The following ITGAX variants were observed in gnomAD, a reference collection of about 807,000 sequenced individuals.
ITGAX encodes the protein integrin alpha-X.
Under a neutral mutation model 140.2 loss-of-function variants are expected in ITGAX, and 99 were observed. That is an observed-to-expected ratio of 0.71 (90% CI 0.60 to 0.83). The LOEUF (loss-of-function observed/expected upper bound fraction) is 0.83. Ranked by LOEUF, ITGAX falls within the 40% of genes least tolerant of loss-of-function variation. The pLI is 0.00. For missense variants in ITGAX, 1,444 were observed against 1,482.0 expected, an observed-to-expected ratio of 0.97 and a Z score of 0.42; for synonymous variants, 631 against 600.4, an observed-to-expected ratio of 1.05 and a Z score of -0.75.
rs761201188 is a variant in ITGAX at position 31,372,415 on chromosome 16, G to T, written c.2198G>T (p.Arg733Leu). ...GACTCTGTGACCCCCATTACCTTGC[G>T]TCTGAACTTCACGCTGGTGGGCAAG... The part of the protein sequence containing the change: ...VEDSVTPITL[R>L]LNFTLVGKPL... Residue 733 changes from arginine to leucine, a missense_variant, in exon 18 of 30, where the codon CGT becomes CTT. Physicochemically the swap from Arg to Leu is moderately radical, Grantham distance 102. Coordinates refer to ENST00000268296, the MANE Select transcript of ITGAX (RefSeq NM_000887.5). 1 of 1,609,156 alleles carries T rather than the reference G, an allele frequency of 6.2e-7. No individual in the cohort carries two copies. The highest frequency in any genetic ancestry group is 1.7e-5 in the Admixed American group (1 of 57,882).
chr16:31,379,133 G>GTT (rs113432287), intron 23 of ITGAX, among the ~76,000 whole-genome samples: 2 of 149,270 alleles, frequency 1.3e-5, no homozygotes, highest in African/African-American at 4.9e-5. Context: ...CTCTCTCTCT[G>GTT]TTTTTTTTTG....
chr16:31,366,256 T>C (rs1423669891), intron 14 of ITGAX, among the ~76,000 whole-genome samples: 1 of 152,212 alleles, frequency 6.6e-6, no homozygotes, highest in Non-Finnish European at 1.5e-5. Context: ...ATCATGTCTG[T>C]GATGGTGATC....
At chr16:31,378,758 A>G (rs2081041780) in intron 23 of ITGAX, among the ~76,000 whole-genome samples, 1 of 150,428 alleles carries the variant, frequency 6.6e-6, no homozygotes, top group Non-Finnish European at 1.5e-5. Flanking sequence ...GGTGTGAGCC[A>G]CTGCACTCAG....
At chr16:31,370,977 C>A in intron 14 of ITGAX, 107 bp from the exon 15 acceptor site, 1 of 1,407,298 alleles carries the variant, frequency 7.1e-7, no homozygotes. Context: ...CACAACTCAC[C>A]CCTTCTCTCC....
rs1166498782 is a variant in ITGAX at position 31,371,902 on chromosome 16, T to C, written c.2160+118T>C. The C allele has an allele frequency of 2.6e-5, 31 of 1,206,550 alleles. No homozygotes were observed. In the East Asian group the frequency reaches 3.8e-4, roughly 15 times the overall value. The allele number at this position is 1,206,550 out of a possible 1,614,324, so 74.7% of individuals were successfully genotyped here. ...GCTCAGCCCAGCACAGGACCAGCCA[T>C]GCAGGACGTGCTTACTGCACGTTAG... On this transcript the variant is annotated intron_variant, in intron 17 of 29. Coordinates refer to ENST00000268296, the MANE Select transcript of ITGAX (RefSeq NM_000887.5).
In ITGAX at chr16:31,373,297, G is replaced by A; in HGVS notation, c.2415G>A (p.Val805=). The part of the protein sequence containing the change: ...VGSNLELNAE[V]MVWNDGEDSY... Reference sequence around the variant, plus strand: ...GTAACCTGGAGCTGAACGCAGAAGTGATGGTGTGGAATGACGGGGAAGACT... The same window carrying A: ...GTAACCTGGAGCTGAACGCAGAAGTAATGGTGTGGAATGACGGGGAAGACT... The change falls in exon 20 of 30, where the codon GTG becomes GTA. Residue 805 remains valine (V), a synonymous_variant. Coordinates refer to ENST00000268296, the MANE Select transcript of ITGAX (RefSeq NM_000887.5). 2 of 1,613,930 alleles carry A rather than the reference G, an allele frequency of 1.2e-6. No individual in the cohort carries two copies. Among genetic ancestry groups the A allele is most frequent in the Non-Finnish European group, 1.7e-6 (2 of 1,179,990 alleles).
Position 31,360,212 on chromosome 16 carries a change from G to T in ITGAX, c.708-98G>T, listed in dbSNP as rs1567296175. The stretch of plus-strand genomic sequence containing the variant: ...GCTGGGGCCTCTGGGTGGGACTGGG[G>T]CCTCCCAAAGGAAAAGGCATCTTCT... On this transcript the variant is annotated intron_variant, in intron 7 of 29. Transcript: ENST00000268296. 28 of 1,510,922 alleles carry T rather than the reference G, an allele frequency of 1.9e-5. No homozygotes were observed. The East Asian group carries it at 6.3e-4, about 34-fold the overall frequency. The allele number at this position is 1,510,922 out of a possible 1,614,324, so 93.6% of individuals were successfully genotyped here.
chr16:31,375,698 T>C (rs1375558882), intron 20 of ITGAX, among the ~76,000 whole-genome samples: 1 of 152,254 alleles, frequency 6.6e-6, no homozygotes, highest in Non-Finnish European at 1.5e-5. Flanking sequence ...GGTCCATACA[T>C]GATGGTTGGT....
chr16:31,366,947 AAGGAAAT>A, intron 14 of ITGAX, among the ~76,000 whole-genome samples: 2 of 152,342 alleles, frequency 1.3e-5, no homozygotes, highest in South Asian at 4.1e-4. Context: ...AAAGTTATTG[AAGGAAAT>A]TAAGAGTGTT....
chr16:31,377,123 T>G, intron 22 of ITGAX, 44 bp downstream of exon 22: 1 of 1,611,570 alleles, frequency 6.2e-7, no homozygotes, highest in Non-Finnish European at 8.5e-7. Flanking sequence ...ATCTCCAGCC[T>G]CACACCCCAT....
chr16:31,362,576 A>G (rs1391638666), intron 11 of ITGAX, 35 bp from the exon 12 acceptor site: 1 of 1,591,230 alleles, frequency 6.3e-7, no homozygotes. Context: ...GGGAGGGGGA[A>G]TGGGGGCCTT....
intron 23 of ITGAX, among the ~76,000 whole-genome samples, chr16:31,379,317 A>T (rs2081046944): frequency 6.6e-6 from 1 of 151,858 alleles, no homozygotes; most frequent in Admixed American, 6.6e-5. Context: ...GGGTTTCACC[A>T]TGTTGGCCAG....
intron 14 of ITGAX, among the ~76,000 whole-genome samples, chr16:31,368,163 T>TC (rs397976589): frequency 1.3e-5 from 2 of 151,514 alleles, no homozygotes; most frequent in African/African-American, 2.4e-5. Context: ...TTTTTTTTTT[T>TC]CAGATGGAAT....
chr16:31,367,948 A>G (rs1481475980), intron 14 of ITGAX, among the ~76,000 whole-genome samples: 2 of 152,236 alleles, frequency 1.3e-5, no homozygotes, highest in Non-Finnish European at 2.9e-5. Context: ...GGGTCAAAAT[A>G]TCAACATTAA....
intron 20 of ITGAX, among the ~76,000 whole-genome samples, chr16:31,375,731 A>G (rs2081013952): frequency 6.6e-6 from 1 of 152,360 alleles, no homozygotes. Context: ...TGTCTCTCTT[A>G]GTCTAATATT....
chr16:31,372,418 T>C lies in ITGAX; in HGVS notation c.2201T>C (p.Leu734Pro), dbSNP rs1297098815. 1 of 1,609,216 alleles carries C rather than the reference T, an allele frequency of 6.2e-7. No individual in the cohort carries two copies. The highest frequency in any genetic ancestry group is 1.1e-5 in the South Asian group (1 of 90,678). Residue 734 changes from leucine to proline, a missense_variant, in exon 18 of 30, where the codon CTG becomes CCG. Physicochemically the swap from Leu to Pro is moderately conservative, Grantham distance 98. Transcript: ENST00000268296. Reference protein sequence around the residue: ...EDSVTPITLRLNFTLVGKPLL... With the variant: ...EDSVTPITLRPNFTLVGKPLL... ...TCTGTGACCCCCATTACCTTGCGTC[T>C]GAACTTCACGCTGGTGGGCAAGCCC...
chr16:31,361,545 C>G (rs751181968), intron 9 of ITGAX: 2 of 701,744 alleles, frequency 2.9e-6, no homozygotes, highest in Non-Finnish European at 5.0e-6. Flanking sequence ...CCACCAGCCA[C>G]TCACTCCCCT....
intron 19 of ITGAX, 61 bp from the exon 20 acceptor site, chr16:31,373,188 C>T: frequency 7.3e-7 from 1 of 1,365,042 alleles, no homozygotes. Context: ...CCATTTTATC[C>T]CAGACCATTT....
rs1388859737 is a variant in ITGAX at position 31,355,767 on chromosome 16, C to G, written c.38-126C>G. On this transcript the variant is annotated intron_variant, in intron 1 of 29. Transcript: ENST00000268296. ...GGAGAGAAGGGGATGAGTTGGGTGT[C>G]CAGAAGACCCAGGCACCCCGGGCAT... is the stretch of plus-strand genomic sequence containing the variant. The G allele has an allele frequency of 4.2e-6, 3 of 716,706 alleles. No individual in the cohort carries two copies. The East Asian group carries it at 7.6e-5, about 18-fold the overall frequency. The allele number at this position is 716,706 out of a possible 1,614,324, so 44.4% of individuals were successfully genotyped here.
Sources: allele counts gnomAD v4.1 joint callset (sites outside exome capture counted in the v4.1 genomes callset), GRCh38; gene constraint gnomAD v4.1.1; transcripts MANE v1.5; gene names NCBI Gene and HGNC (gene_info 2026-07-23, HGNC 2026-07-21).